Variants in FRYL observed in about 807,000 individuals in gnomAD.
The protein encoded by FRYL is FRY like transcription coactivator, also known as protein furry homolog-like.
A neutral mutation model predicts 351.2 loss-of-function variants in FRYL; 150 were observed. The ratio of observed to expected loss-of-function variants is 0.43; its 90% CI spans 0.37 to 0.49. The LOEUF (loss-of-function observed/expected upper bound fraction) is 0.49. FRYL is among the 20% of genes least tolerant of loss of function. FRYL has a pLI of 0.00. For synonymous variants in FRYL, 1,153 were observed against 1,257.1 expected, an observed-to-expected ratio of 0.92 and a Z score of 1.75; for missense variants, 3,036 against 3,619.3, an observed-to-expected ratio of 0.84 and a Z score of 4.13.
Position 48,551,538 on chromosome 4 carries a change from A to T in FRYL, c.4476T>A (p.Asp1492Glu), listed in dbSNP as rs765116272. 3.7e-6 allele frequency: 6 copies of T among 1,612,016 alleles called. No individual in the cohort carries two copies. The highest frequency in any genetic ancestry group is 5.1e-6 in the Non-Finnish European group (6 of 1,178,374). ...TAATGGGCTTATTATCAGGATTGCC[A>T]TCTGTGGGAGCTACCATTGTATTGC... is the stretch of plus-strand genomic sequence containing the variant. The part of the protein sequence containing the change: ...SSSNTMVAPT[D>E]GNPDNKPIKE... The change falls in exon 37 of 64, where the codon GAT (aspartate) becomes GAA (glutamate). Residue 1492 changes from aspartate (D) to glutamate (E), a missense_variant. Physicochemically the swap from Asp to Glu is conservative, Grantham distance 45. Around this residue, in one of 7 missense-constraint regions of FRYL, gnomAD observed 1,987 missense variants for 2,311.7 expected, o/e 0.86. Transcript: ENST00000358350.
chr4:48,547,629 C>T lies in FRYL; in HGVS notation c.5029G>A (p.Val1677Met), dbSNP rs778684772. 2 of 1,603,968 alleles carry T rather than the reference C, an allele frequency of 1.2e-6. No individual in the cohort carries two copies. Among genetic ancestry groups the T allele is most frequent in the East Asian group, 2.2e-5 (1 of 44,782 alleles). ...TGTGCAACTTGTTTGACTGTAAGCA[C>T]CCTGGGCTCATTAAACTCCTTGTTC... ...LRNKEFNEPR[V>M]LTVKQVAHLD... Residue 1677 changes from valine to methionine, a missense_variant, in exon 41 of 64, where the codon GTG becomes ATG. This residue lies in a region of FRYL where 1,987 missense variants were observed against 2,311.7 expected (regional missense o/e 0.86). Transcript: ENST00000358350.
intron 28 of FRYL, among the ~76,000 whole-genome samples, chr4:48,566,127 T>C (rs78919261): frequency 6.6e-6 from 1 of 152,194 alleles, no homozygotes; most frequent in Non-Finnish European, 1.5e-5. Context: ...TTTTTTTTTT[T>C]CAGCAGGAAA....
intron 2 of FRYL, among the ~76,000 whole-genome samples, chr4:48,710,014 TATC>T (rs777588252): frequency 3.9e-5 from 6 of 152,194 alleles, no homozygotes; most frequent in East Asian, 3.8e-4. Flanking sequence ...TCTGAGTAAA[TATC>T]AGAGTTGCCT....
At chr4:48,671,842 G>A (rs1762738575) in intron 3 of FRYL, among the ~76,000 whole-genome samples, 1 of 103,594 alleles carries the variant, frequency 9.7e-6, no homozygotes, top group African/African-American at 3.7e-5. Context: ...GAGAGAGAGA[G>A]ACTCCGTCTC....
intron 39 of FRYL, 100 bp from the exon 40 acceptor site, chr4:48,548,893 T>A: frequency 1.6e-6 from 1 of 639,894 alleles, no homozygotes; most frequent in South Asian, 2.2e-5. Flanking sequence ...TCACATTTCA[T>A]GGAAAAATAC....
intron 4 of FRYL, among the ~76,000 whole-genome samples, chr4:48,628,838 TGAAA>T (rs1411135163): frequency 6.6e-6 from 1 of 151,902 alleles, no homozygotes; most frequent in Non-Finnish European, 1.5e-5. Flanking sequence ...TTTTTTAAAT[TGAAA>T]GAATAAAAAG....
intron 45 of FRYL, among the ~76,000 whole-genome samples, chr4:48,541,449 GA>G (rs1425382764): frequency 4.6e-5 from 7 of 152,286 alleles, no homozygotes; most frequent in African/African-American, 1.4e-4. Context: ...TATAGAAAAG[GA>G]AGGAATATTA....
intron 3 of FRYL, among the ~76,000 whole-genome samples, chr4:48,680,227 T>C (rs756983457): frequency 6.6e-6 from 1 of 152,036 alleles, no homozygotes; most frequent in Non-Finnish European, 1.5e-5. Context: ...TATTAATTTA[T>C]AGGTACAGCT....
At chr4:48,708,572 C>T (rs1767641663) in intron 2 of FRYL, among the ~76,000 whole-genome samples, 1 of 152,174 alleles carries the variant, frequency 6.6e-6, no homozygotes, top group African/African-American at 2.4e-5. Context: ...TATATATCCG[C>T]AAGGTTATGC....
At chr4:48,778,831 T>TC (rs1560390413) in intron 1 of FRYL, among the ~76,000 whole-genome samples, 2 of 151,756 alleles carry the variant, frequency 1.3e-5, no homozygotes, top group Non-Finnish European at 1.5e-5. Flanking sequence ...AAACCCTTTT[T>TC]CCCCCCCAAT....
intron 3 of FRYL, among the ~76,000 whole-genome samples, chr4:48,666,900 GA>G (rs1395870963): frequency 1.3e-5 from 2 of 152,038 alleles, no homozygotes; most frequent in African/African-American, 4.8e-5. Flanking sequence ...CTAAGTAAAA[GA>G]ACTAAGTATA....
chr4:48,765,208 C>G (rs137926664), intron 1 of FRYL, among the ~76,000 whole-genome samples: 619 of 152,158 alleles, frequency 4.1e-3, no homozygotes, highest in Non-Finnish European at 5.5e-3. Flanking sequence ...CAATCTTGAC[C>G]AAAAACAACA....
At chr4:48,592,101 TA>T (rs1743484296) in intron 16 of FRYL, among the ~76,000 whole-genome samples, 1 of 45,044 alleles carries the variant, frequency 2.2e-5, no homozygotes, top group African/African-American at 5.1e-5. Flanking sequence ...TATATATATA[TA>T]TATATATATA....
intron 19 of FRYL, among the ~76,000 whole-genome samples, chr4:48,584,184 T>C (rs1263859080): frequency 6.6e-6 from 1 of 152,198 alleles, no homozygotes; most frequent in Non-Finnish European, 1.5e-5. Flanking sequence ...TGAAGAGAAT[T>C]ATGCTAGTAA....
intron 1 of FRYL, among the ~76,000 whole-genome samples, chr4:48,750,746 G>T (rs1001943524): frequency 1.3e-5 from 2 of 152,156 alleles, no homozygotes; most frequent in African/African-American, 2.4e-5. Flanking sequence ...TGGAGAGGGA[G>T]CTGGGGATCA....
intron 3 of FRYL, among the ~76,000 whole-genome samples, chr4:48,664,424 A>T (rs1434335222): frequency 6.6e-6 from 1 of 152,226 alleles, no homozygotes; most frequent in African/African-American, 2.4e-5. Flanking sequence ...AAGGAAACAG[A>T]TTTCCAATTT....
At chr4:48,756,248 AG>A (rs1773765304) in intron 1 of FRYL, among the ~76,000 whole-genome samples, 2 of 151,622 alleles carry the variant, frequency 1.3e-5, no homozygotes, top group South Asian at 4.2e-4. Context: ...AAAAAAAAAA[AG>A]GTTCCCCCAT....
chr4:48,651,757 A>G (rs1483627979), intron 3 of FRYL, among the ~76,000 whole-genome samples: 4 of 152,192 alleles, frequency 2.6e-5, no homozygotes, highest in Non-Finnish European at 5.9e-5. Context: ...TATGGTCTTA[A>G]TATTTTAACC....
chr4:48,679,761 G>C (rs1211307907), intron 3 of FRYL, among the ~76,000 whole-genome samples: 1 of 152,006 alleles, frequency 6.6e-6, no homozygotes, highest in African/African-American at 2.4e-5. Flanking sequence ...ACTATACACT[G>C]TAAGTATCAA....
Sources: gnomAD v4.1 joint callset for allele counts (sites outside exome capture counted in the v4.1 genomes callset) on GRCh38, gnomAD v4.1.1 for gene constraint, gnomAD v4.1.1 regional missense constraint, MANE v1.5 for transcripts, NCBI Gene and HGNC (gene_info 2026-07-23, HGNC 2026-07-21) for gene names.